The following MOB3B variants were observed in gnomAD, a reference collection of about 807,000 sequenced individuals.
MOB3B encodes the protein MOB kinase activator 3B.
MOB3B carries 7 observed loss-of-function variants against 18.7 expected under a neutral mutation model. The observed-to-expected ratio is 0.37, with a 90% CI of 0.21 to 0.70. The LOEUF is 0.70. MOB3B is among the 30% of genes least tolerant of loss of function. The probability of loss-of-function intolerance (pLI) is 0.52; values close to 1 mark genes in which losing one functional copy is unlikely to be tolerated. For synonymous variants in MOB3B, 111 were observed against 99.9 expected, an observed-to-expected ratio of 1.11 and a Z score of -0.66; for missense variants, 253 against 281.3, an observed-to-expected ratio of 0.90 and a Z score of 0.72.
chr9:27,419,857 G>C (rs780500806), intron 2 of MOB3B, among the ~76,000 whole-genome samples: 2 of 152,162 alleles, frequency 1.3e-5, no homozygotes, highest in East Asian at 1.9e-4. Context: ...AGTCAGCAGA[G>C]TAAATAGAAA....
At position 27,455,656 on chromosome 9, in the gene MOB3B, C is replaced by T. The variant is rs901965577; in HGVS notation, c.-106G>A. The T allele has an allele frequency of 7.0e-6, 11 of 1,563,820 alleles. No individual in the cohort carries two copies. The highest frequency in any genetic ancestry group is 3.7e-5 in the Admixed American group (2 of 54,686). The stretch of plus-strand genomic sequence containing the variant: ...GTGTTTTCCACTGCCAGCACTCAGG[C>T]CCCAGTCTTACAGCCTGTAGCTTTT... On this transcript the variant is annotated 5_prime_UTR_variant, in exon 2 of 4. Coordinates refer to ENST00000262244, the MANE Select transcript of MOB3B (RefSeq NM_024761.5).
intron 2 of MOB3B, among the ~76,000 whole-genome samples, chr9:27,412,349 C>G (rs1387200062): frequency 1.4e-5 from 2 of 138,156 alleles, no homozygotes; most frequent in African/African-American, 5.4e-5. Context: ...TCCTAGTAGA[C>G]TTCTAATAAA....
At chr9:27,491,809 C>A (rs558680719) in intron 1 of MOB3B, among the ~76,000 whole-genome samples, 1 of 152,076 alleles carries the variant, frequency 6.6e-6, no homozygotes, top group Non-Finnish European at 1.5e-5. Flanking sequence ...GAAGGCGGAG[C>A]TTGCAGTGAG....
intron 1 of MOB3B, among the ~76,000 whole-genome samples, chr9:27,512,062 C>T (rs1186244304): frequency 1.3e-5 from 2 of 152,136 alleles, no homozygotes; most frequent in Non-Finnish European, 2.9e-5. Flanking sequence ...TGCTCCTGCC[C>T]CTTTGCTCCA....
chr9:27,511,420 A>G (rs961535475), intron 1 of MOB3B, among the ~76,000 whole-genome samples: 11 of 152,154 alleles, frequency 7.2e-5, no homozygotes, highest in African/African-American at 2.7e-4. Flanking sequence ...ATAAAGTGAA[A>G]TAATGTATTC....
chr9:27,473,012 T>C (rs1819496807), intron 1 of MOB3B, among the ~76,000 whole-genome samples: 1 of 152,234 alleles, frequency 6.6e-6, no homozygotes, highest in Non-Finnish European at 1.5e-5. Context: ...ATGTTTTAAA[T>C]CACAGATAGC....
At chr9:27,424,058 T>C (rs1026519459) in intron 2 of MOB3B, among the ~76,000 whole-genome samples, 2 of 152,220 alleles carry the variant, frequency 1.3e-5, no homozygotes, top group East Asian at 3.9e-4. Flanking sequence ...CTCAAGGCAA[T>C]ACAGTGTAAA....
chr9:27,460,117 G>C (rs995303501), intron 1 of MOB3B, among the ~76,000 whole-genome samples: 1 of 152,154 alleles, frequency 6.6e-6, no homozygotes, highest in African/African-American at 2.4e-5. Flanking sequence ...TCACAATTTG[G>C]TATGTAGTTT....
chr9:27,488,652 C>T (rs1167857678), intron 1 of MOB3B, among the ~76,000 whole-genome samples: 3 of 152,178 alleles, frequency 2.0e-5, no homozygotes, highest in Admixed American at 6.5e-5. Context: ...ACGTGGTCTA[C>T]CCATCTCCGC....
chr9:27,489,767 C>T (rs543855388), intron 1 of MOB3B, among the ~76,000 whole-genome samples: 1 of 5,390 alleles, frequency 1.9e-4, no homozygotes, highest in Non-Finnish European at 1.3e-3. Flanking sequence ...TCCAACAGGG[C>T]ACTAAGGCTC....
In MOB3B at chr9:27,330,522, C is replaced by A; in HGVS notation, c.*65G>T. The A allele has an allele frequency of 6.2e-7, 1 of 1,610,456 alleles. No individual in the cohort carries two copies. Among genetic ancestry groups the A allele is most frequent in the South Asian group, 1.1e-5 (1 of 90,244 alleles). On this transcript the variant is annotated 3_prime_UTR_variant, in exon 4 of 4. Transcript: ENST00000262244. ...TGTCATTTCAGCCAGGGTGGTCCACCTCCTGCCCGCTCAGGGCACCAGGAG... is the reference window on the plus strand; with the variant it reads ...TGTCATTTCAGCCAGGGTGGTCCACATCCTGCCCGCTCAGGGCACCAGGAG...
chr9:27,365,734 GA>G (rs1821334142), intron 2 of MOB3B, among the ~76,000 whole-genome samples: 1 of 152,170 alleles, frequency 6.6e-6, no homozygotes, highest in South Asian at 2.1e-4. Flanking sequence ...CCCACATTGA[GA>G]AAGTGTTCAG....
intron 3 of MOB3B, among the ~76,000 whole-genome samples, chr9:27,331,929 G>C (rs1587135896): frequency 6.6e-6 from 1 of 152,324 alleles, no homozygotes; most frequent in East Asian, 1.9e-4. Flanking sequence ...AGACAAGGCA[G>C]AATCTAGGCA....
intron 2 of MOB3B, among the ~76,000 whole-genome samples, chr9:27,360,988 A>G (rs573292485): frequency 6.6e-6 from 1 of 152,196 alleles, no homozygotes; most frequent in East Asian, 1.9e-4. Flanking sequence ...GGGCCTGCAG[A>G]ACTGCTGTTG....
intron 1 of MOB3B, among the ~76,000 whole-genome samples, chr9:27,517,485 TA>T (rs1295039369): frequency 6.6e-6 from 1 of 151,456 alleles, no homozygotes; most frequent in African/African-American, 2.4e-5. Flanking sequence ...CAGTCTCTAC[TA>T]AAAATACAAA....
At chr9:27,449,766 A>G (rs1018980693) in intron 2 of MOB3B, among the ~76,000 whole-genome samples, 3 of 152,204 alleles carry the variant, frequency 2.0e-5, no homozygotes, top group African/African-American at 7.2e-5. Context: ...ACCTGAGATC[A>G]GGAGTTCGAG....
At chr9:27,463,400 T>A (rs1048924994) in intron 1 of MOB3B, among the ~76,000 whole-genome samples, 2 of 151,976 alleles carry the variant, frequency 1.3e-5, no homozygotes, top group African/African-American at 4.8e-5. Flanking sequence ...ACCACCTACT[T>A]AAAAGTGCCT....
chr9:27,377,579 G>C (rs1821507242), intron 2 of MOB3B, among the ~76,000 whole-genome samples: 2 of 152,156 alleles, frequency 1.3e-5, no homozygotes, highest in Admixed American at 6.5e-5. Flanking sequence ...TGCACCCCCA[G>C]AGTTTCAGTG....
In MOB3B at chr9:27,515,764, T is replaced by C. The variant is rs117588266; in HGVS notation, c.-199+13791A>G. 1.6e-3 allele frequency among the ~76,000 whole-genome samples: 241 copies of C among 152,306 alleles called. 1 individual carries two copies. The highest frequency in any genetic ancestry group is 0.01 in the Middle Eastern group (3 of 294). On this transcript the variant is annotated intron_variant, in intron 1 of 3. Transcript: ENST00000262244. The stretch of plus-strand genomic sequence containing the variant: ...CTCCAAGCCATTCTTTCCAACATGC[T>C]AGATTTGTTGCAAGATCCTCTCCCC...
Sources: gnomAD v4.1 joint callset for allele counts (sites outside exome capture counted in the v4.1 genomes callset) on GRCh38, gnomAD v4.1.1 for gene constraint, MANE v1.5 for transcripts, NCBI Gene and HGNC (gene_info 2026-07-23, HGNC 2026-07-21) for gene names.